The following SLC15A2 variants were observed in gnomAD, a reference collection of about 807,000 sequenced individuals.
SLC15A2 encodes kidney H(+)/peptide cotransporter.
Under a neutral mutation model 95.5 loss-of-function variants are expected in SLC15A2, and 77 were observed. The observed-to-expected ratio is 0.81, with a 90% CI of 0.67 to 0.97. The LOEUF (loss-of-function observed/expected upper bound fraction) is 0.97, where lower values mean the gene tolerates loss of function less well. Ranked by LOEUF, SLC15A2 falls within the 50% of genes least tolerant of loss-of-function variation. The probability of loss-of-function intolerance (pLI) is 0.00; values close to 1 mark genes in which losing one functional copy is unlikely to be tolerated. For missense variants in SLC15A2, 893 were observed against 874.4 expected (o/e 1.02, Z -0.27); for synonymous variants, 306 against 306.9 (o/e 1.00, Z 0.03).
intron 7 of SLC15A2, among the ~76,000 whole-genome samples, chr3:121,916,561 T>G (rs1461985952): frequency 6.6e-6 from 1 of 152,214 alleles, no homozygotes; most frequent in South Asian, 2.1e-4. Flanking sequence ...AGGAAATTTA[T>G]TATAGGTGAG....
At chr3:121,898,696 G>A (rs1004847916) in intron 3 of SLC15A2, among the ~76,000 whole-genome samples, 68 of 152,138 alleles carry the variant, frequency 4.5e-4, no homozygotes, top group Non-Finnish European at 3.5e-4. Flanking sequence ...CCTTAAATAC[G>A]CTAATATGAA....
intron 16 of SLC15A2, 59 bp downstream of exon 16, chr3:121,929,205 A>T: frequency 6.2e-7 from 1 of 1,603,490 alleles, no homozygotes; most frequent in Non-Finnish European, 8.5e-7. Flanking sequence ...TGACTGTCTC[A>T]TCAACATCTT....
chr3:121,913,076 C>G lies in SLC15A2; in HGVS notation c.484C>G (p.Pro162Ala), dbSNP rs867335865. The change falls in exon 5 of 22, where the codon CCC (proline) becomes GCC (alanine). Residue 162 changes from proline to alanine, a missense_variant. By Grantham distance (27) the Pro-to-Ala change is conservative. Transcript: ENST00000489711. Reference sequence around the variant, plus strand: ...AGCTTTGGGGACAGGAGGCATCAAACCCTGTGTGGCAGCTTTTGGTGGAGA... The same window carrying G: ...AGCTTTGGGGACAGGAGGCATCAAAGCCTGTGTGGCAGCTTTTGGTGGAGA... ...LIALGTGGIK[P>A]CVAAFGGDQF... The G allele has an allele frequency of 6.2e-7, 1 of 1,613,798 alleles. No homozygotes were observed. Among genetic ancestry groups the G allele is most frequent in the Non-Finnish European group, 8.5e-7 (1 of 1,179,870 alleles).
chr3:121,894,423 A>C lies in SLC15A2; in HGVS notation c.-54A>C. The C allele has an allele frequency of 2.1e-6, 3 of 1,428,490 alleles. No individual in the cohort carries two copies. Among genetic ancestry groups the C allele is most frequent in the Non-Finnish European group, 2.9e-6 (3 of 1,024,326 alleles). The allele number at this position is 1,428,490 out of a possible 1,614,324, so 88.5% of individuals were successfully genotyped here. ...TTCAGAGTAGGCTGGCAGCTGTCCTAACTGCCTACTAAAGCCAAATGCTTG... is the reference window on the plus strand; with the variant it reads ...TTCAGAGTAGGCTGGCAGCTGTCCTCACTGCCTACTAAAGCCAAATGCTTG... On this transcript the variant is annotated 5_prime_UTR_variant, in exon 1 of 22. Transcript: ENST00000489711.
At chr3:121,937,293 T>C (rs1710366767) in intron 19 of SLC15A2, among the ~76,000 whole-genome samples, 1 of 82,616 alleles carries the variant, frequency 1.2e-5, no homozygotes, top group African/African-American at 4.9e-5. Context: ...CTGTATTTCC[T>C]GAATCTGAAC....
rs1239092101 is a variant in SLC15A2, at chr3:121,922,254, A to G, written c.732A>G (p.Lys244=). The G allele has an allele frequency of 1.3e-5, 21 of 1,613,796 alleles. No homozygotes were observed. In the East Asian group the frequency reaches 4.5e-4, roughly 34 times the overall value. ...VFAMGSKIYN[K]PPPEGNIVAQ... is the part of the protein sequence containing the mutation. ...CAATGGGAAGCAAAATATACAATAA[A>G]CCACCCCCTGAAGGAAACATAGTGG... Residue 244 remains lysine, a synonymous_variant, in exon 8 of 22, where the codon AAA becomes AAG. Transcript: ENST00000489711.
intron 3 of SLC15A2, among the ~76,000 whole-genome samples, chr3:121,905,141 G>T (rs967988533): frequency 2.6e-5 from 4 of 152,184 alleles, no homozygotes; most frequent in East Asian, 1.9e-4. Context: ...TTGCATAGAG[G>T]TGTTTATAGT....
chr3:121,942,239 T>G lies in SLC15A2; in HGVS notation c.*1232T>G, dbSNP rs1415428430. The G allele has an allele frequency of 2.0e-5, 3 of 152,256 alleles. No homozygotes were observed. Among genetic ancestry groups the G allele is most frequent in the South Asian group, 2.1e-4 (1 of 4,824 alleles). 9.4% of individuals were successfully genotyped at this position (152,256 alleles called of 1,614,324 possible). A position where few individuals can be genotyped will look rare whatever the true frequency, so the allele number is the denominator to read the frequency against. The stretch of plus-strand genomic sequence containing the variant: ...AGCATGAGGGTTTTGTTTGTGTATG[T>G]GTATGGTCATGAAAAAAAATTGAGA... On this transcript the variant is annotated 3_prime_UTR_variant, in exon 22 of 22. Transcript: ENST00000489711.
chr3:121,906,815 G>A (rs1467740713), intron 3 of SLC15A2, among the ~76,000 whole-genome samples: 1 of 152,096 alleles, frequency 6.6e-6, no homozygotes, highest in African/African-American at 2.4e-5. Context: ...TTCAACTTTG[G>A]TGAATCTGAC....
In SLC15A2 at chr3:121,922,141, G is replaced by A. The variant is rs561460277; in HGVS notation, c.698-79G>A. ...GTTATTGTGGTTTTTGCCATTGAAA[G>A]TAATGGCAAAACTGCAATAACCTTT... is the stretch of plus-strand genomic sequence containing the variant. On this transcript the variant is annotated intron_variant, in intron 7 of 21. Coordinates refer to ENST00000489711, the MANE Select transcript of SLC15A2 (RefSeq NM_021082.4). 16 of 1,195,422 alleles carry A rather than the reference G, an allele frequency of 1.3e-5. No individual in the cohort carries two copies. In the East Asian group the frequency reaches 2.8e-4, roughly 21 times the overall value. 74.1% of individuals were successfully genotyped at this position (1,195,422 alleles called of 1,614,324 possible). A position where few individuals can be genotyped will look rare whatever the true frequency, so the allele number is the denominator to read the frequency against.
Position 121,939,436 on chromosome 3 carries a change from C to T in SLC15A2, c.1849C>T (p.Leu617=). ...TGCGTGGCAGCTACCACAATATGCC[C>T]TGGTTACAGCTGGGGAGGTCATGTT... ...SIAWQLPQYA[L]VTAGEVMFSV... is the part of the protein sequence containing the mutation. Residue 617 remains leucine, a synonymous_variant, in exon 20 of 22, where the codon CTG becomes TTG. Coordinates refer to ENST00000489711, the MANE Select transcript of SLC15A2 (RefSeq NM_021082.4). 2 of 1,571,382 alleles carry T rather than the reference C, an allele frequency of 1.3e-6. No homozygotes were observed. The highest frequency in any genetic ancestry group is 1.7e-6 in the Non-Finnish European group (2 of 1,159,870).
At chr3:121,931,507 C>T (rs1710231653) in intron 18 of SLC15A2, 132 bp from the exon 19 acceptor site, 10 of 574,170 alleles carry the variant, frequency 1.7e-5, no homozygotes, top group East Asian at 8.4e-5. Flanking sequence ...AGAAACATTT[C>T]TCTTCAAAGA....
At chr3:121,933,619 T>A (rs1288136504) in intron 19 of SLC15A2, among the ~76,000 whole-genome samples, 1 of 150,086 alleles carries the variant, frequency 6.7e-6, no homozygotes, top group Non-Finnish European at 1.5e-5. Context: ...GTTTGTTTTT[T>A]TCTTGTAAAT....
At chr3:121,905,382 T>G (rs938661378) in intron 3 of SLC15A2, among the ~76,000 whole-genome samples, 7 of 152,220 alleles carry the variant, frequency 4.6e-5, no homozygotes, top group Admixed American at 3.3e-4. Context: ...ATTTCTTGCC[T>G]TCTGCTAGCT....
chr3:121,924,230 A>C (rs926858827), intron 11 of SLC15A2, 121 bp from the exon 12 acceptor site: 4 of 794,984 alleles, frequency 5.0e-6, no homozygotes, highest in Non-Finnish European at 8.6e-6. Flanking sequence ...TGAACCAAAG[A>C]CCTGATGAAT....
intron 21 of SLC15A2, 147 bp from the exon 22 acceptor site, chr3:121,940,684 G>A: frequency 4.5e-6 from 4 of 884,152 alleles, no homozygotes; most frequent in South Asian, 1.7e-5. Flanking sequence ...CCTATGTGAG[G>A]AGAGGCCAGT....
In SLC15A2 at chr3:121,937,557, C is replaced by T. The variant is rs1331736262; in HGVS notation, c.1762-1792C>T. Among the ~76,000 whole-genome samples the T allele has an allele frequency of 1.2e-3, 187 of 151,332 alleles. 1 individual carries two copies. The highest frequency in any genetic ancestry group is 4.0e-3 in the African/African-American group (166 of 41,244). ...TACCCTTTCTTCCAGTGGATCGCAT[C>T]GGCTCCTGAGGCTTCTGCATTCTTC... On this transcript the variant is annotated intron_variant, in intron 19 of 21. Coordinates refer to ENST00000489711, the MANE Select transcript of SLC15A2 (RefSeq NM_021082.4).
rs2107617701 is a variant in SLC15A2, at chr3:121,942,995, G to A, written c.*1988G>A. 1 of 152,324 alleles carries A rather than the reference G, an allele frequency of 6.6e-6. No individual in the cohort carries two copies. The highest frequency in any genetic ancestry group is 6.5e-5 in the Admixed American group (1 of 15,304). 9.4% of individuals were successfully genotyped at this position (152,324 alleles called of 1,614,324 possible). A position where few individuals can be genotyped will look rare whatever the true frequency, so the allele number is the denominator to read the frequency against. On this transcript the variant is annotated 3_prime_UTR_variant, in exon 22 of 22. Coordinates refer to ENST00000489711, the MANE Select transcript of SLC15A2 (RefSeq NM_021082.4). ...TAAGTATAACAGCCGGCCAGGCACA[G>A]TGGCTCATGCCTGTAATCCCAGCAC... is the stretch of plus-strand genomic sequence containing the variant.
In SLC15A2 at chr3:121,931,714, A is replaced by C. The variant is rs373696483; in HGVS notation, c.1740A>C (p.Ala580=). 3.7e-6 allele frequency: 6 copies of C among 1,611,548 alleles called. No homozygotes were observed. Among genetic ancestry groups the C allele is most frequent in the Non-Finnish European group, 5.1e-6 (6 of 1,177,838 alleles). ...LNLGLLDFGA[A]YLFVITNNTN... is the part of the protein sequence containing the mutation. ...TGGGTCTTCTAGACTTTGGTGCAGCATATCTGTTTGTTATTACTAATGTAA... is the reference window on the plus strand; with the variant it reads ...TGGGTCTTCTAGACTTTGGTGCAGCCTATCTGTTTGTTATTACTAATGTAA... Residue 580 remains alanine (A), a synonymous_variant, in exon 19 of 22, where the codon GCA becomes GCC. Transcript: ENST00000489711.
Sources: allele counts gnomAD v4.1 joint callset (sites outside exome capture counted in the v4.1 genomes callset), GRCh38; gene constraint gnomAD v4.1.1; transcripts MANE v1.5; gene names NCBI Gene and HGNC (gene_info 2026-07-23, HGNC 2026-07-21).